The following TRIM37 variants were observed in gnomAD, a reference collection of about 807,000 sequenced individuals.
The protein encoded by TRIM37 is E3 ubiquitin-protein ligase TRIM37.
A neutral mutation model predicts 129.8 loss-of-function variants in TRIM37; 80 were observed. That is an observed-to-expected ratio of 0.62 (90% confidence interval 0.51 to 0.74). The LOEUF is 0.74. Ranked by LOEUF, TRIM37 falls within the 30% of genes least tolerant of loss-of-function variation. The pLI is 0.00. For synonymous variants in TRIM37, 389 were observed against 387.1 expected (o/e 1.00, Z -0.06); for missense variants, 1,054 against 1,176.5 (o/e 0.90, Z 1.52).
chr17:59,089,694 A>G (rs2044113396), intron 3 of TRIM37, among the ~76,000 whole-genome samples: 2 of 152,182 alleles, frequency 1.3e-5, no homozygotes, highest in African/African-American at 4.8e-5. Context: ...ACACATTTCA[A>G]GTGATCGACA....
intron 8 of TRIM37, 77 bp downstream of exon 8, chr17:59,075,563 CAAAAAAA>C (rs34467573): frequency 3.5e-5 from 17 of 487,222 alleles, no homozygotes; most frequent in East Asian, 9.3e-5. Context: ...GACTCCATCT[CAAAAAAA>C]AAAAAAAAAA....
intron 16 of TRIM37, among the ~76,000 whole-genome samples, chr17:59,043,288 C>T (rs2039448814): frequency 6.6e-6 from 1 of 151,116 alleles, no homozygotes; most frequent in African/African-American, 2.4e-5. Flanking sequence ...GCTCTTTAGT[C>T]AAACTGGTGA....
At chr17:59,064,027 C>G (rs940924718) in intron 10 of TRIM37, 2 of 207,460 alleles carry the variant, frequency 9.6e-6, no homozygotes, top group Non-Finnish European at 1.9e-5. Flanking sequence ...ACTTGGGAGG[C>G]TGAGGTGGGA....
At chr17:59,028,835 G>T in intron 18 of TRIM37, 112 bp from the exon 19 acceptor site, 1 of 1,068,476 alleles carries the variant, frequency 9.4e-7, no homozygotes, top group Non-Finnish European at 1.4e-6. Flanking sequence ...TGCTTTACGT[G>T]GTATCAACAA....
At chr17:59,065,418 T>G (rs1389422298) in intron 9 of TRIM37, among the ~76,000 whole-genome samples, 1 of 152,238 alleles carries the variant, frequency 6.6e-6, no homozygotes, top group East Asian at 1.9e-4. Flanking sequence ...TGTGATGGAC[T>G]AGCACACTCA....
chr17:59,022,801 G>A (rs1019821067), intron 19 of TRIM37, among the ~76,000 whole-genome samples: 1 of 152,044 alleles, frequency 6.6e-6, no homozygotes, highest in Non-Finnish European at 1.5e-5. Context: ...AATATGAAAA[G>A]ATATTCGGCC....
intron 17 of TRIM37, among the ~76,000 whole-genome samples, chr17:59,037,489 C>T (rs1387141374): frequency 1.6e-5 from 2 of 127,416 alleles, no homozygotes; most frequent in Non-Finnish European, 3.1e-5. Context: ...ACCTGGGAGG[C>T]GGAGCTTGCA....
intron 17 of TRIM37, among the ~76,000 whole-genome samples, chr17:59,041,460 G>A (rs1036893435): frequency 6.6e-6 from 1 of 152,000 alleles, no homozygotes; most frequent in East Asian, 1.9e-4. Context: ...TATGAGCATG[G>A]GATACAAACA....
chr17:59,045,501 T>C (rs2039689417), intron 16 of TRIM37, among the ~76,000 whole-genome samples: 1 of 146,294 alleles, frequency 6.8e-6, no homozygotes, highest in Non-Finnish European at 1.5e-5. Flanking sequence ...TAGCTGGGTG[T>C]GGTGGTGGGT....
chr17:59,099,041 G>C (rs904007872), intron 2 of TRIM37, among the ~76,000 whole-genome samples: 13 of 151,978 alleles, frequency 8.6e-5, no homozygotes, highest in African/African-American at 3.1e-4. Context: ...AAATTAGCTG[G>C]GTGTACTGGC....
At chr17:59,054,633 A>G (rs1277618010) in intron 13 of TRIM37, among the ~76,000 whole-genome samples, 1 of 148,062 alleles carries the variant, frequency 6.8e-6, no homozygotes, top group Non-Finnish European at 1.5e-5. Flanking sequence ...TGTAAAGACT[A>G]CCCCACGTTA....
intron 22 of TRIM37, among the ~76,000 whole-genome samples, chr17:59,007,740 A>G (rs1387369172): frequency 6.6e-6 from 1 of 152,210 alleles, no homozygotes; most frequent in African/African-American, 2.4e-5. Flanking sequence ...AAAAAGGAAA[A>G]GGCCTATTTA....
At chr17:59,101,022 C>CAAAAAAAAAAAAAAAAAAAA (rs35079890) in intron 2 of TRIM37, among the ~76,000 whole-genome samples, 1 of 105,286 alleles carries the variant, frequency 9.5e-6, no homozygotes. Flanking sequence ...AACGCCGTCT[C>CAAAAAAAAAAAAAAAAAAAA]AAAAAAAAAA....
intron 1 of TRIM37, among the ~76,000 whole-genome samples, chr17:59,105,272 A>G (rs1394000960): frequency 6.6e-6 from 1 of 152,210 alleles, no homozygotes; most frequent in Non-Finnish European, 1.5e-5. Context: ...AAAAAAATGA[A>G]TTCAGAATCC....
chr17:59,033,640 T>G (rs1393967862), intron 17 of TRIM37, among the ~76,000 whole-genome samples: 3 of 151,904 alleles, frequency 2.0e-5, no homozygotes, highest in African/African-American at 4.8e-5. Flanking sequence ...GGTCTGGATC[T>G]CCTAACCTAG....
chr17:59,064,526 T>C (rs2041773501), intron 9 of TRIM37, 121 bp from the exon 10 acceptor site: 3 of 679,238 alleles, frequency 4.4e-6, no homozygotes, highest in Admixed American at 2.9e-5. Context: ...CTAAGAAATA[T>C]TTTTAAATCT....
intron 11 of TRIM37, 105 bp downstream of exon 11, chr17:59,062,461 CA>C (rs966962258): frequency 5.1e-5 from 47 of 914,946 alleles, no homozygotes; most frequent in African/African-American, 8.3e-5. Flanking sequence ...GCATATGTAA[CA>C]AAAAAAAGAA....
At chr17:59,094,956 C>A (rs1176868465) in intron 2 of TRIM37, among the ~76,000 whole-genome samples, 1 of 152,144 alleles carries the variant, frequency 6.6e-6, no homozygotes, top group Admixed American at 6.5e-5. Context: ...TGGCTCACAC[C>A]TTTAATCCCA....
intron 2 of TRIM37, among the ~76,000 whole-genome samples, chr17:59,092,719 ATC>A (rs1353968787): frequency 6.6e-6 from 1 of 152,230 alleles, no homozygotes; most frequent in African/African-American, 2.4e-5. Context: ...TTATTTGTTT[ATC>A]TCTTTCTACT....
Sources: allele counts gnomAD v4.1 joint callset (sites outside exome capture counted in the v4.1 genomes callset), GRCh38; gene constraint gnomAD v4.1.1; transcripts MANE v1.5; gene names NCBI Gene and HGNC (gene_info 2026-07-23, HGNC 2026-07-21).